HYAL4: variants seen among roughly 807,000 people sequenced by gnomAD.
The protein encoded by HYAL4 is hyaluronidase 4.
In HYAL4, 37 loss-of-function variants were observed where a neutral mutation model predicts 35.2. The observed-to-expected ratio is 1.05, with a 90% CI of 0.81 to 1.38. The LOEUF is 1.38. HYAL4 is among the 40% of genes most tolerant of loss of function. The pLI, the probability that HYAL4 is intolerant of heterozygous loss-of-function variation, is 0.00. For missense variants in HYAL4, 572 were observed against 572.4 expected, an observed-to-expected ratio of 1.00 and a Z score of 0.01; for synonymous variants, 198 against 203.2, an observed-to-expected ratio of 0.97 and a Z score of 0.22.
intron 2 of HYAL4, 127 bp from the exon 3 acceptor site, chr7:123,868,096 T>C (rs1461222164): frequency 2.5e-6 from 1 of 397,326 alleles, no homozygotes; most frequent in African/African-American, 2.1e-5. Context: ...TCAATTTATT[T>C]ATAGGCCTCT....
the HYAL4 span, among the ~76,000 whole-genome samples, chr7:123,777,297 A>G: frequency 6.6e-6 from 1 of 152,068 alleles, no homozygotes; most frequent in African/African-American, 2.4e-5. Context: ...AACAGTATAA[A>G]AAAGAATGTA....
At chr7:123,820,498 G>T in the HYAL4 span, among the ~76,000 whole-genome samples, 1 of 151,306 alleles carries the variant, frequency 6.6e-6, no homozygotes. Flanking sequence ...CAGGAGAGTC[G>T]CTTGAACCTG....
upstream of HYAL4, among the ~76,000 whole-genome samples, chr7:123,827,152 A>T (rs1275592728): frequency 1.3e-5 from 2 of 152,148 alleles, no homozygotes; most frequent in Non-Finnish European, 2.9e-5. Flanking sequence ...GAAATAGTAC[A>T]GCTATAGAAG....
At chr7:123,856,930 C>T (rs915999915) in intron 2 of HYAL4, among the ~76,000 whole-genome samples, 2 of 152,110 alleles carry the variant, frequency 1.3e-5, no homozygotes, top group African/African-American at 4.8e-5. Flanking sequence ...GTGGCTTTGC[C>T]GAGCTGTGGT....
chr7:123,763,937 C>A, the HYAL4 span, among the ~76,000 whole-genome samples: 1 of 152,202 alleles, frequency 6.6e-6, no homozygotes, highest in African/African-American at 2.4e-5. Context: ...TGTCTTCTCT[C>A]CTGTTTCCCC....
chr7:123,874,675 G>A (rs549875330), intron 3 of HYAL4, 86 bp from the exon 4 acceptor site: 59 of 765,682 alleles, frequency 7.7e-5, no homozygotes, highest in African/African-American at 7.5e-4. Context: ...AAAGTGCTGG[G>A]ATTACAGGCG....
chr7:123,786,475 G>A, the HYAL4 span, among the ~76,000 whole-genome samples: 5 of 151,380 alleles, frequency 3.3e-5, no homozygotes, highest in Non-Finnish European at 7.4e-5. Context: ...TTCCCTACAG[G>A]GAATTACAAT....
At chr7:123,869,340 G>C in intron 3 of HYAL4, 113 bp downstream of exon 3, 1 of 748,500 alleles carries the variant, frequency 1.3e-6, no homozygotes, top group African/African-American at 1.8e-5. Context: ...TTGTTATATG[G>C]GAGCATAATT....
chr7:123,786,432 A>G, the HYAL4 span, among the ~76,000 whole-genome samples: 1 of 152,162 alleles, frequency 6.6e-6, no homozygotes, highest in Admixed American at 6.5e-5. Context: ...TTGAAAAATC[A>G]ATTCATCTAT....
the HYAL4 span, among the ~76,000 whole-genome samples, chr7:123,785,088 C>T: frequency 6.6e-6 from 1 of 152,078 alleles, no homozygotes; most frequent in African/African-American, 2.4e-5. This position sits in a 1 kb window ranked among gnomAD's most constrained non-coding sequence, Gnocchi z 4.5. Context: ...TTTTTTGAGA[C>T]AGGGTCTCTC....
intron 1 of HYAL4, among the ~76,000 whole-genome samples, chr7:123,839,812 G>A (rs561714657): frequency 7.2e-6 from 1 of 139,710 alleles, no homozygotes; most frequent in South Asian, 2.4e-4. Context: ...CATATCCTTT[G>A]CCCACTTTTT....
chr7:123,800,531 A>T, the HYAL4 span, among the ~76,000 whole-genome samples: 1 of 151,816 alleles, frequency 6.6e-6, no homozygotes, highest in Non-Finnish European at 1.5e-5. Context: ...GATAGCTAAA[A>T]TATCAAATAA....
At chr7:123,785,881 G>A in the HYAL4 span, among the ~76,000 whole-genome samples, 2 of 151,972 alleles carry the variant, frequency 1.3e-5, no homozygotes, top group East Asian at 1.9e-4. The surrounding 1 kb of genome is among the most constrained non-coding windows in gnomAD (Gnocchi z 4.5). Flanking sequence ...TGCTATCCTA[G>A]GCAAAATGTA....
chr7:123,782,623 C>T, the HYAL4 span, among the ~76,000 whole-genome samples: 1 of 152,068 alleles, frequency 6.6e-6, no homozygotes, highest in Non-Finnish European at 1.5e-5. Context: ...AACTAGCTCT[C>T]CCTTTCACTT....
chr7:123,799,219 TTCTTCTC>T, the HYAL4 span, among the ~76,000 whole-genome samples: 1 of 123,452 alleles, frequency 8.1e-6, no homozygotes, highest in Non-Finnish European at 1.7e-5. Flanking sequence ...TTTCCTCTCT[TTCTTCTC>T]CTTATGTAAA....
chr7:123,869,177 G>T lies in HYAL4; in HGVS notation c.904G>T (p.Val302Phe). ...TSHDYALPVFVYTRLGYRDEP... is the reference protein window; with the variant it reads ...TSHDYALPVFFYTRLGYRDEP... ...TCATGATTATGCTCTGCCTGTATTT[G>T]TCTACACAAGGCTAGGGTACAGAGA... The change falls in exon 3 of 5, where the codon GTC (valine) becomes TTC (phenylalanine). Residue 302 changes from valine (V) to phenylalanine (F), a missense_variant. Coordinates refer to ENST00000223026, the MANE Select transcript of HYAL4 (RefSeq NM_012269.3). 6.2e-7 allele frequency: 1 copy of T among 1,613,986 alleles called. No individual in the cohort carries two copies. Among genetic ancestry groups the T allele is most frequent in the Non-Finnish European group, 8.5e-7 (1 of 1,180,012 alleles).
rs531021400 is a variant in HYAL4 at position 123,871,937 on chromosome 7, T to A, written c.954+2710T>A. ...ATTTCAGACAGAAGATTGCCTGCAT[T>A]ATTTACATATAAATGCAACCTAGAC... On this transcript the variant is annotated intron_variant, in intron 3 of 4. Coordinates refer to ENST00000223026, the MANE Select transcript of HYAL4 (RefSeq NM_012269.3). Among the ~76,000 whole-genome samples, 3 of 152,388 alleles carry A rather than the reference T, an allele frequency of 2.0e-5. No homozygotes were observed. In the South Asian group the frequency reaches 6.2e-4, roughly 32 times the overall value.
chr7:123,834,495 T>C (rs1805931592), intron 1 of HYAL4, among the ~76,000 whole-genome samples: 1 of 152,272 alleles, frequency 6.6e-6, no homozygotes, highest in Non-Finnish European at 1.5e-5. Flanking sequence ...GAGGATTCTT[T>C]AGGGTTTTCT....
intron 2 of HYAL4, among the ~76,000 whole-genome samples, chr7:123,849,362 G>A (rs528548303): frequency 2.6e-5 from 4 of 151,728 alleles, no homozygotes; most frequent in East Asian, 2.0e-4. Flanking sequence ...GTGCATCGGC[G>A]CGATCTTGGC....
Sources: allele counts gnomAD v4.1 joint callset (sites outside exome capture counted in the v4.1 genomes callset), GRCh38; gene constraint gnomAD v4.1.1; non-coding constraint Gnocchi (gnomAD v3.1); transcripts MANE v1.5; gene names NCBI Gene and HGNC (gene_info 2026-07-23, HGNC 2026-07-21).